Variants in UQCRC2 observed in about 807,000 individuals in gnomAD.
UQCRC2 encodes the protein ubiquinol-cytochrome c reductase core protein 2.
Under a neutral mutation model 55.6 loss-of-function variants are expected in UQCRC2, and 49 were observed. The ratio of observed to expected loss-of-function variants is 0.88; its 90% CI spans 0.70 to 1.12. The LOEUF (loss-of-function observed/expected upper bound fraction) is 1.12. UQCRC2 is among the 50% of genes most tolerant of loss of function. The pLI, the probability that UQCRC2 is intolerant of heterozygous loss-of-function variation, is 0.00. For synonymous variants in UQCRC2, 193 were observed against 192.0 expected (o/e 1.01, Z -0.04); for missense variants, 506 against 547.8 (o/e 0.92, Z 0.76).
At chr16:21,962,406 GA>G in intron 4 of UQCRC2, 53 bp from the exon 5 acceptor site, 1 of 1,600,840 alleles carries the variant, frequency 6.2e-7, no homozygotes, top group Non-Finnish European at 8.6e-7. Context: ...GATTATAAGG[GA>G]AAGCTTACTA....
intron 6 of UQCRC2, among the ~76,000 whole-genome samples, chr16:21,964,668 T>A (rs1898283383): frequency 6.6e-6 from 1 of 152,190 alleles, no homozygotes; most frequent in Non-Finnish European, 1.5e-5. Context: ...CACATATTAC[T>A]TGTATTAATT....
At chr16:21,966,649 C>CAT (rs1218521356) in intron 7 of UQCRC2, among the ~76,000 whole-genome samples, 1 of 152,188 alleles carries the variant, frequency 6.6e-6, no homozygotes, top group Non-Finnish European at 1.5e-5. Context: ...GCCTTTCATT[C>CAT]ATATGGCACT....
At chr16:21,955,437 A>G (rs1898072372) in intron 1 of UQCRC2, among the ~76,000 whole-genome samples, 1 of 152,224 alleles carries the variant, frequency 6.6e-6, no homozygotes, top group Non-Finnish European at 1.5e-5. Context: ...AACTCCAGTG[A>G]GGAGGTGTTC....
At chr16:21,953,734 G>A (rs1020071255) in intron 1 of UQCRC2, among the ~76,000 whole-genome samples, 5 of 152,084 alleles carry the variant, frequency 3.3e-5, no homozygotes, top group African/African-American at 9.7e-5. Flanking sequence ...AGGTCACTCC[G>A]GTACTCAAGT....
intron 5 of UQCRC2, 68 bp downstream of exon 5, chr16:21,962,584 T>C (rs1264654309): frequency 7.5e-6 from 12 of 1,606,780 alleles, no homozygotes; most frequent in Admixed American, 3.3e-5. Flanking sequence ...TTCTGGTCTT[T>C]GTAATGCGTC....
intron 9 of UQCRC2, 52 bp from the exon 10 acceptor site, chr16:21,971,871 C>A: frequency 6.2e-7 from 1 of 1,606,560 alleles, no homozygotes. Flanking sequence ...AGAATGAAAC[C>A]AATGGTGAAC....
Position 21,983,389 on chromosome 16 carries a change from A to G in UQCRC2, c.*218A>G, listed in dbSNP as rs1898785523. ...TTTCTCAATGAGTTAATCAACAAGT[A>G]TTTATTATGTGCTGATATCTTTGTT... On this transcript the variant is annotated 3_prime_UTR_variant, in exon 14 of 14. Transcript: ENST00000268379. The G allele has an allele frequency of 3.8e-6, 2 of 521,334 alleles. No individual in the cohort carries two copies. The highest frequency in any genetic ancestry group is 3.2e-5 in the South Asian group (1 of 31,614). 32.3% of individuals were successfully genotyped at this position (521,334 alleles called of 1,614,324 possible).
At chr16:21,968,403 C>A (rs1898378722) in intron 7 of UQCRC2, 1 of 374,320 alleles carries the variant, frequency 2.7e-6, no homozygotes, top group Non-Finnish European at 4.8e-6. Context: ...TCATTATATT[C>A]ACAGAGTTGT....
At chr16:21,960,504 A>G (rs1898175542) in intron 4 of UQCRC2, among the ~76,000 whole-genome samples, 2 of 152,284 alleles carry the variant, frequency 1.3e-5, no homozygotes, top group South Asian at 4.1e-4. Context: ...TCTTGCTTTC[A>G]TATCATTTAT....
In UQCRC2 at chr16:21,962,883, C is replaced by G; in HGVS notation, c.512C>G (p.Thr171Ser). 6.2e-7 allele frequency: 1 copy of G among 1,613,712 alleles called. No homozygotes were observed. Among genetic ancestry groups the G allele is most frequent in the Non-Finnish European group, 8.5e-7 (1 of 1,179,854 alleles). ...DKAVAFQNPQ[T>S]HVIENLHAAA... is the part of the protein sequence containing the mutation. ...GCTGTGGCCTTTCAGAATCCGCAGACTCGTAAGTACATTTCCAGATCACAT... is the reference window on the plus strand; with the variant it reads ...GCTGTGGCCTTTCAGAATCCGCAGAGTCGTAAGTACATTTCCAGATCACAT... Residue 171 changes from threonine to serine, a missense_variant and splice_region_variant, in exon 6 of 14, where the codon ACT (threonine) becomes AGT (serine). Physicochemically the swap from Thr to Ser is moderately conservative, Grantham distance 58. Transcript: ENST00000268379.
chr16:21,969,304 C>T (rs369679965), intron 8 of UQCRC2, among the ~76,000 whole-genome samples: 41 of 152,158 alleles, frequency 2.7e-4, no homozygotes, highest in African/African-American at 8.7e-4. Context: ...GAGGCTGAGG[C>T]GGGCGGATCA....
intron 4 of UQCRC2, chr16:21,961,246 T>C (rs1221160159): frequency 2.6e-6 from 1 of 388,614 alleles, no homozygotes; most frequent in South Asian, 1.8e-5. Flanking sequence ...TCTGGTAATA[T>C]TGAAAAACCC....
At chr16:21,956,413 A>G (rs1056153136) in intron 1 of UQCRC2, among the ~76,000 whole-genome samples, 5 of 152,050 alleles carry the variant, frequency 3.3e-5, no homozygotes, top group Admixed American at 6.6e-5. Flanking sequence ...GCGTGGCAGC[A>G]TGTACCTGTA....
chr16:21,955,847 C>A (rs1005150553), intron 1 of UQCRC2, among the ~76,000 whole-genome samples: 8 of 151,362 alleles, frequency 5.3e-5, no homozygotes, highest in Non-Finnish European at 8.8e-5. Context: ...TTTCTTGAGA[C>A]GGAGTTTTGC....
At chr16:21,954,187 C>T (rs533865086) in intron 1 of UQCRC2, among the ~76,000 whole-genome samples, 7 of 152,202 alleles carry the variant, frequency 4.6e-5, no homozygotes, top group Admixed American at 1.3e-4. Context: ...CCCAGGGAAC[C>T]GGTGGCGATG....
intron 8 of UQCRC2, 115 bp from the exon 9 acceptor site, chr16:21,971,410 T>G: frequency 1.2e-6 from 1 of 825,980 alleles, no homozygotes; most frequent in Non-Finnish European, 1.9e-6. Context: ...AAGACTCTTA[T>G]TTATTTTGTA....
intron 1 of UQCRC2, among the ~76,000 whole-genome samples, chr16:21,955,286 T>C (rs542649033): frequency 6.6e-6 from 1 of 152,288 alleles, no homozygotes; most frequent in Admixed American, 6.5e-5. Flanking sequence ...GTAAAGCTAA[T>C]TGTAATTCAT....
intron 7 of UQCRC2, among the ~76,000 whole-genome samples, chr16:21,967,980 GCT>G (rs968190647): frequency 6.7e-6 from 1 of 150,052 alleles, no homozygotes; most frequent in Non-Finnish European, 1.5e-5. Flanking sequence ...GCCAGTGTAT[GCT>G]CTAATTTCTT....
chr16:21,964,936 A>G (rs1567472482), intron 6 of UQCRC2, among the ~76,000 whole-genome samples: 4 of 152,228 alleles, frequency 2.6e-5, no homozygotes, highest in South Asian at 2.1e-4. Flanking sequence ...ACCAAGCACC[A>G]CAGAGGAGTA....
Sources: gnomAD v4.1 joint callset for allele counts (sites outside exome capture counted in the v4.1 genomes callset) on GRCh38, gnomAD v4.1.1 for gene constraint, MANE v1.5 for transcripts, NCBI Gene and HGNC (gene_info 2026-07-23, HGNC 2026-07-21) for gene names.